Variants in ADK observed in about 807,000 individuals in gnomAD.
ADK encodes N6,N6-dimethyladenosine kinase.
A neutral mutation model predicts 44.7 loss-of-function variants in ADK; 24 were observed. The ratio of observed to expected loss-of-function variants is 0.54; its 90% CI spans 0.39 to 0.76. ADK has a LOEUF of 0.76. ADK is among the 30% of genes least tolerant of loss of function. The pLI is 0.00. For missense variants in ADK, 321 were observed against 425.1 expected (o/e 0.76, Z 2.15); for synonymous variants, 128 against 142.6 (o/e 0.90, Z 0.73).
At chr10:74,463,455 C>G (rs2133254629) in intron 6 of ADK, among the ~76,000 whole-genome samples, 1 of 152,270 alleles carries the variant, frequency 6.6e-6, no homozygotes, top group South Asian at 2.1e-4. Context: ...CCCTCACATG[C>G]ACAATTCACA....
At chr10:74,662,496 G>T (rs1380640022) in intron 9 of ADK, among the ~76,000 whole-genome samples, 1 of 152,006 alleles carries the variant, frequency 6.6e-6, no homozygotes, top group Non-Finnish European at 1.5e-5. Context: ...TCCCAGTCTG[G>T]TCTCAAACTC....
chr10:74,225,008 A>G (rs1420709015), intron 3 of ADK, among the ~76,000 whole-genome samples: 3 of 152,248 alleles, frequency 2.0e-5, no homozygotes, highest in Admixed American at 1.3e-4. Context: ...GTAATGATAG[A>G]CAAATATAAT....
chr10:74,564,404 C>A (rs543826768), intron 7 of ADK, among the ~76,000 whole-genome samples: 1 of 152,256 alleles, frequency 6.6e-6, no homozygotes, highest in East Asian at 1.9e-4. Context: ...TCTTTGATAG[C>A]CCACAATTCC....
rs59620474 is a variant in ADK at position 74,665,736 on chromosome 10, TGAGAGAGAGAGA to T, written c.878-4412_878-4401del. On this transcript the variant is annotated intron_variant, in intron 9 of 10. Transcript: ENST00000539909. The stretch of plus-strand genomic sequence containing the variant: ...GGAGGCAGAGTGAGACCTTAGCTCT[TGAGAGAGAGAGA>T]GAGAGAGAGAGAGAGAGAGAGAGAG... Among the ~76,000 whole-genome samples, 408 of 116,228 alleles carry T rather than the reference TGAGAGAGAGAGA, an allele frequency of 3.5e-3. 1 individual carries two copies. The highest frequency in any genetic ancestry group is 8.6e-3 in the Admixed American group (90 of 10,516). The allele number at this position is 116,228 out of a possible 152,430, so 76.3% of individuals were successfully genotyped here. A position where few individuals can be genotyped will look rare whatever the true frequency, so the allele number is the denominator to read the frequency against.
chr10:74,572,882 G>C (rs1206817633), intron 7 of ADK, among the ~76,000 whole-genome samples: 1 of 152,010 alleles, frequency 6.6e-6, no homozygotes, highest in African/African-American at 2.4e-5. Context: ...CTCTATATTG[G>C]TTATTCTAGT....
chr10:74,379,797 A>C (rs1487391705), intron 4 of ADK, among the ~76,000 whole-genome samples: 1 of 152,114 alleles, frequency 6.6e-6, no homozygotes, highest in Non-Finnish European at 1.5e-5. Flanking sequence ...AGGCTGAGGC[A>C]GGAGGATAAC....
At chr10:74,336,681 G>A (rs935338483) in intron 4 of ADK, among the ~76,000 whole-genome samples, 3 of 152,154 alleles carry the variant, frequency 2.0e-5, no homozygotes, top group African/African-American at 4.8e-5. Flanking sequence ...GCCCATAAGG[G>A]ATTGGTTCTA....
intron 6 of ADK, among the ~76,000 whole-genome samples, chr10:74,458,147 G>GC (rs200990974): frequency 2.2e-5 from 2 of 92,158 alleles, no homozygotes; most frequent in Non-Finnish European, 4.1e-5. Context: ...TTTTTTTTTT[G>GC]GGGGGAGAAG....
chr10:74,511,336 G>C lies in ADK; in HGVS notation c.556-13920G>C, dbSNP rs1015904769. On this transcript the variant is annotated intron_variant, in intron 6 of 10. Coordinates refer to ENST00000539909, the MANE Select transcript of ADK (RefSeq NM_006721.4). The stretch of plus-strand genomic sequence containing the variant: ...GTTCTTTTTACTCAGGATTGCTTCA[G>C]CTATTCAGGGTTTTCTATGTTTCCA... Among the ~76,000 whole-genome samples the C allele has an allele frequency of 2.6e-4, 39 of 152,120 alleles. 1 individual carries two copies. Among genetic ancestry groups the C allele is most frequent in the Non-Finnish European group, 1.2e-4 (8 of 68,010 alleles).
intron 7 of ADK, among the ~76,000 whole-genome samples, chr10:74,544,605 G>T (rs146389029): frequency 5.7e-4 from 87 of 152,192 alleles, no homozygotes; most frequent in Admixed American, 2.2e-3. Context: ...GGTTGGCCAC[G>T]GTGGCTCACA....
chr10:74,427,962 T>C (rs568466680), intron 6 of ADK, among the ~76,000 whole-genome samples: 2 of 152,270 alleles, frequency 1.3e-5, no homozygotes, highest in African/African-American at 4.8e-5. Flanking sequence ...GGTTGGTTCC[T>C]TCTTGGGGAG....
chr10:74,569,000 C>G (rs1219436325), intron 7 of ADK, among the ~76,000 whole-genome samples: 2 of 144,320 alleles, frequency 1.4e-5, no homozygotes, highest in African/African-American at 5.1e-5. Context: ...TTGTTCAATT[C>G]CCACCTATGA....
chr10:74,682,941 T>C (rs1290688293), intron 10 of ADK, among the ~76,000 whole-genome samples: 1 of 152,166 alleles, frequency 6.6e-6, no homozygotes, highest in African/African-American at 2.4e-5. Flanking sequence ...CTTTTTCAGT[T>C]ATTTCAAAAT....
intron 9 of ADK, among the ~76,000 whole-genome samples, chr10:74,611,791 C>T (rs540618515): frequency 6.6e-6 from 1 of 152,054 alleles, no homozygotes; most frequent in African/African-American, 2.4e-5. Context: ...TATGCTGCTG[C>T]AAAGGACATT....
intron 6 of ADK, among the ~76,000 whole-genome samples, chr10:74,495,969 A>G (rs901418533): frequency 1.3e-5 from 2 of 151,990 alleles, no homozygotes; most frequent in Non-Finnish European, 2.9e-5. Context: ...TTCTCCATAT[A>G]CTGTCTGACC....
At chr10:74,451,023 G>T (rs1845753700) in intron 6 of ADK, among the ~76,000 whole-genome samples, 1 of 140,306 alleles carries the variant, frequency 7.1e-6, no homozygotes, top group South Asian at 2.2e-4. Flanking sequence ...CTTCCTTTCT[G>T]GTTTTCATGC....
chr10:74,517,497 T>C (rs1012167958), intron 6 of ADK, among the ~76,000 whole-genome samples: 1 of 151,960 alleles, frequency 6.6e-6, no homozygotes, highest in African/African-American at 2.4e-5. Context: ...GAAACCAGAC[T>C]GGGCAACATG....
intron 9 of ADK, among the ~76,000 whole-genome samples, chr10:74,619,010 CTTTGTGTGTGTGTGTG>C (rs1852879122): frequency 9.2e-6 from 1 of 108,850 alleles, no homozygotes; most frequent in South Asian, 3.3e-4. Flanking sequence ...CTTTTATGCT[CTTTGTGTGTGTGTGTG>C]TGTGTGTGTG....
intron 10 of ADK, among the ~76,000 whole-genome samples, chr10:74,683,149 T>C (rs926689596): frequency 3.9e-5 from 6 of 152,200 alleles, no homozygotes; most frequent in Non-Finnish European, 5.9e-5. Flanking sequence ...CATCTGGATA[T>C]TCTAAGCTAG....
Sources: allele counts gnomAD v4.1 joint callset (sites outside exome capture counted in the v4.1 genomes callset), GRCh38; gene constraint gnomAD v4.1.1; transcripts MANE v1.5; gene names NCBI Gene and HGNC (gene_info 2026-07-23, HGNC 2026-07-21).